ENPEP: variants seen among roughly 807,000 people sequenced by gnomAD.
ENPEP encodes the protein AP-A.
ENPEP carries 103 observed loss-of-function variants against 114.5 expected under a neutral mutation model. The ratio of observed to expected loss-of-function variants is 0.90; its 90% CI spans 0.77 to 1.06. The LOEUF is 1.06. Ranked by LOEUF, ENPEP falls within the 50% of genes least tolerant of loss-of-function variation. ENPEP has a pLI of 0.00. For synonymous variants in ENPEP, 420 were observed against 422.0 expected, an observed-to-expected ratio of 1.00 and a Z score of 0.06; for missense variants, 1,196 against 1,161.3, an observed-to-expected ratio of 1.03 and a Z score of -0.43.
At position 110,515,359 on chromosome 4, in the gene ENPEP, T is replaced by C. The variant is rs745773539; in HGVS notation, c.1444-18T>C. ...ATAGCCTTTATTAGTTTCATTTGTC[T>C]TTTTATCCCCATTGTAGGGATCTTC... On this transcript the variant is annotated intron_variant, in intron 7 of 19. Coordinates refer to ENST00000265162, the MANE Select transcript of ENPEP (RefSeq NM_001977.4). 6.2e-7 allele frequency: 1 copy of C among 1,602,822 alleles called. No homozygotes were observed. Among genetic ancestry groups the C allele is most frequent in the Admixed American group, 1.7e-5 (1 of 58,398 alleles).
chr4:110,485,136 G>A lies in ENPEP; in HGVS notation c.645-3405G>A, dbSNP rs1724456459. 3.3e-5 allele frequency among the ~76,000 whole-genome samples: 5 copies of A among 152,178 alleles called. No homozygotes were observed. The South Asian group carries it at 1.0e-3, about 31-fold the overall frequency. ...ATCTTATAAAACTTTCAAACTCTGG[G>A]AAAGTGTACAGGCTTTTTTAGAGTC... On this transcript the variant is annotated intron_variant, in intron 1 of 19. Coordinates refer to ENST00000265162, the MANE Select transcript of ENPEP (RefSeq NM_001977.4).
At chr4:110,516,206 C>T (rs1034399919) in intron 8 of ENPEP, among the ~76,000 whole-genome samples, 1 of 152,172 alleles carries the variant, frequency 6.6e-6, no homozygotes, top group Non-Finnish European at 1.5e-5. Flanking sequence ...AATAAAGAGG[C>T]TTGCTTCCTT....
chr4:110,491,813 C>T (rs1271206140), intron 3 of ENPEP, among the ~76,000 whole-genome samples: 3 of 151,092 alleles, frequency 2.0e-5, no homozygotes, highest in Non-Finnish European at 4.4e-5. Flanking sequence ...CTCCACCTCC[C>T]GGGTTCAAGT....
chr4:110,496,634 C>T lies in ENPEP; in HGVS notation c.918+5470C>T, dbSNP rs74751790. 2.6e-3 allele frequency among the ~76,000 whole-genome samples: 401 copies of T among 152,254 alleles called. 1 individual carries two copies. Among genetic ancestry groups the T allele is most frequent in the African/African-American group, 8.9e-3 (370 of 41,558 alleles). ...CTCCTTAATTCATTCTGATATATGACATTTCTCAGTTTTTTTCTTTTTTAT... is the reference window on the plus strand; with the variant it reads ...CTCCTTAATTCATTCTGATATATGATATTTCTCAGTTTTTTTCTTTTTTAT... On this transcript the variant is annotated intron_variant, in intron 3 of 19. Transcript: ENST00000265162.
At chr4:110,546,714 C>G (rs930438436) in intron 13 of ENPEP, among the ~76,000 whole-genome samples, 1 of 152,040 alleles carries the variant, frequency 6.6e-6, no homozygotes, top group Non-Finnish European at 1.5e-5. Flanking sequence ...GAGAACAACA[C>G]AGAACTCTAT....
At chr4:110,544,776 T>G (rs1186458509) in intron 13 of ENPEP, among the ~76,000 whole-genome samples, 1 of 152,138 alleles carries the variant, frequency 6.6e-6, no homozygotes, top group Admixed American at 6.6e-5. Flanking sequence ...GAAAGCCTCT[T>G]GAACAGCTCT....
At chr4:110,498,577 G>T (rs535595210) in intron 3 of ENPEP, among the ~76,000 whole-genome samples, 1 of 152,252 alleles carries the variant, frequency 6.6e-6, no homozygotes, top group African/African-American at 2.4e-5. Context: ...CTGAATGTAT[G>T]GTCACCTCTA....
At chr4:110,514,700 T>TGG (rs11406861) in intron 7 of ENPEP, among the ~76,000 whole-genome samples, 2 of 151,744 alleles carry the variant, frequency 1.3e-5, no homozygotes, top group South Asian at 2.1e-4. Context: ...CTAATTTAAG[T>TGG]GGGGGCAGTG....
chr4:110,524,910 C>A (rs1726138745), intron 10 of ENPEP, among the ~76,000 whole-genome samples: 1 of 152,130 alleles, frequency 6.6e-6, no homozygotes, highest in Non-Finnish European at 1.5e-5. Flanking sequence ...AGGTGCTCAC[C>A]AACATGCCCA....
chr4:110,531,418 C>A, intron 11 of ENPEP, 141 bp downstream of exon 11: 2 of 591,602 alleles, frequency 3.4e-6, no homozygotes, highest in Non-Finnish European at 5.0e-6. Context: ...TTGATGATTC[C>A]AAATCTTCAT....
chr4:110,553,266 G>A, intron 17 of ENPEP, 49 bp from the exon 18 acceptor site: 2 of 1,498,564 alleles, frequency 1.3e-6, no homozygotes, highest in Non-Finnish European at 1.8e-6. Context: ...AGCTAAGGGT[G>A]AACATTAAAA....
chr4:110,519,096 G>A (rs1001340490), intron 8 of ENPEP: 2 of 455,816 alleles, frequency 4.4e-6, no homozygotes, highest in East Asian at 1.4e-4. Context: ...GTAGTGCCAA[G>A]AAGTGAATTA....
At chr4:110,540,405 T>C (rs1648952814) in intron 11 of ENPEP, among the ~76,000 whole-genome samples, 1 of 152,122 alleles carries the variant, frequency 6.6e-6, no homozygotes, top group South Asian at 2.1e-4. Flanking sequence ...ATACATACTA[T>C]TGTTATAATC....
At chr4:110,515,782 G>A (rs188836852) in intron 8 of ENPEP, 2 of 462,842 alleles carry the variant, frequency 4.3e-6, no homozygotes, top group African/African-American at 4.0e-5. Flanking sequence ...TTGCAGTTAT[G>A]GAGGCTGGAA....
chr4:110,530,371 TTC>T lies in ENPEP; in HGVS notation c.1728-823_1728-822del, dbSNP rs377151488. Among the ~76,000 whole-genome samples, 73 of 152,324 alleles carry T rather than the reference TTC, an allele frequency of 4.8e-4. 3 individuals carry two copies. In the East Asian group the frequency reaches 0.012, roughly 25 times the overall value. The stretch of plus-strand genomic sequence containing the variant: ...TGAAAAGGTGAAATGTTAACCCTAA[TTC>T]TCTGTTAGGGAATTGAATGTTGACA... On this transcript the variant is annotated intron_variant, in intron 10 of 19. Transcript: ENST00000265162.
intron 11 of ENPEP, chr4:110,533,073 T>C (rs1179524214): frequency 4.4e-6 from 2 of 452,182 alleles, no homozygotes; most frequent in South Asian, 3.1e-5. Context: ...ATTTTCCCCA[T>C]TGGTCACCAT....
At chr4:110,514,443 T>G (rs1483170041) in intron 7 of ENPEP, among the ~76,000 whole-genome samples, 2 of 152,114 alleles carry the variant, frequency 1.3e-5, no homozygotes, top group Non-Finnish European at 2.9e-5. Flanking sequence ...GTATTCATTT[T>G]TCTTTGATAT....
Position 110,553,543 on chromosome 4 carries a change from C to T in ENPEP, c.2642+88C>T, listed in dbSNP as rs947834271. On this transcript the variant is annotated intron_variant, in intron 18 of 19. Transcript: ENST00000265162. ...TTTTTCTTTGGGCCACTGTCTCTGACATCTATACAATATCTAAAATGGCAT... is the reference window on the plus strand; with the variant it reads ...TTTTTCTTTGGGCCACTGTCTCTGATATCTATACAATATCTAAAATGGCAT... 8 of 1,278,772 alleles carry T rather than the reference C, an allele frequency of 6.3e-6. No individual in the cohort carries two copies. The African/African-American group carries it at 1.0e-4, about 17-fold the overall frequency. 79.2% of individuals were successfully genotyped at this position (1,278,772 alleles called of 1,614,324 possible).
Position 110,558,049 on chromosome 4 carries a change from TA to T in ENPEP, c.2643-1597del, listed in dbSNP as rs1560572415. On this transcript the variant is annotated intron_variant, in intron 18 of 19. Coordinates refer to ENST00000265162, the MANE Select transcript of ENPEP (RefSeq NM_001977.4). ...ATGGTAGGATTTTTTTTTTTTTTTGTATAAAACTCTTTTGTTACCCAGACTA... is the reference window on the plus strand; with the variant it reads ...ATGGTAGGATTTTTTTTTTTTTTTGTTAAAACTCTTTTGTTACCCAGACTA... 1.2e-3 allele frequency among the ~76,000 whole-genome samples: 168 copies of T among 145,146 alleles called. 2 individuals are homozygous for T. Among genetic ancestry groups the T allele is most frequent in the Middle Eastern group, 0.011 (3 of 278 alleles).
Sources: gnomAD v4.1 joint callset for allele counts (sites outside exome capture counted in the v4.1 genomes callset) on GRCh38, gnomAD v4.1.1 for gene constraint, MANE v1.5 for transcripts, NCBI Gene and HGNC (gene_info 2026-07-23, HGNC 2026-07-21) for gene names.